The following POC5 variants were observed in gnomAD, a reference collection of about 807,000 sequenced individuals.
POC5 encodes the protein centrosomal protein POC5.
A neutral mutation model predicts 62.9 loss-of-function variants in POC5; 48 were observed. That is an observed-to-expected ratio of 0.76 (90% CI 0.61 to 0.97). The LOEUF (loss-of-function observed/expected upper bound fraction) is 0.97. Ranked by LOEUF, POC5 falls within the 50% of genes least tolerant of loss-of-function variation. The pLI is 0.00. For missense variants in POC5, 696 were observed against 679.5 expected (o/e 1.02, Z -0.27); for synonymous variants, 236 against 228.2 (o/e 1.03, Z -0.31).
At chr5:75,690,201 C>A (rs1776268298) in intron 8 of POC5, among the ~76,000 whole-genome samples, 182 bp downstream of exon 8, 1 of 152,178 alleles carries the variant, frequency 6.6e-6, no homozygotes, top group Non-Finnish European at 1.5e-5. Flanking sequence ...TTCTATACAA[C>A]TCCTTATATC....
At chr5:75,705,415 T>C (rs1448593987) in intron 4 of POC5, 5 of 206,386 alleles carry the variant, frequency 2.4e-5, no homozygotes, top group African/African-American at 2.3e-5. Context: ...AAAACTTGAA[T>C]TGGCCAAACT....
chr5:75,712,520 G>T (rs1305983918), intron 2 of POC5: 2 of 1,405,036 alleles, frequency 1.4e-6, no homozygotes, highest in Non-Finnish European at 2.0e-6. Flanking sequence ...GTATTAATTT[G>T]CATTAAAAGT....
chr5:75,703,787 C>T (rs1463433449), intron 4 of POC5, among the ~76,000 whole-genome samples: 4 of 151,954 alleles, frequency 2.6e-5, no homozygotes, highest in Admixed American at 6.6e-5. Flanking sequence ...ATATATAAAA[C>T]GCTCATCCCC....
chr5:75,701,141 C>T (rs1343153446), intron 5 of POC5, among the ~76,000 whole-genome samples: 3 of 135,096 alleles, frequency 2.2e-5, no homozygotes, highest in South Asian at 2.6e-4. Context: ...ACTAGTTCAA[C>T]CATTGTGGAA....
intron 9 of POC5, among the ~76,000 whole-genome samples, chr5:75,687,188 G>A (rs999039511): frequency 6.6e-6 from 1 of 151,902 alleles, no homozygotes; most frequent in African/African-American, 2.4e-5. Flanking sequence ...CTGCCACCAC[G>A]CCCGGCTAAT....
rs374307702 is a variant in POC5, at chr5:75,685,393, C to T, written c.1221G>A (p.Pro407=). Residue 407 remains proline (P), a synonymous_variant, in exon 10 of 12, where the codon CCG becomes CCA. Transcript: ENST00000428202. ...HSAHLDPSAP[P]MPLPVTSPLL... The stretch of plus-strand genomic sequence containing the variant: ...GTGGTGATGTAACTGGTAAGGGCAT[C>T]GGAGGAGCTGAAGGATCCAAATGAG... 196 of 1,613,852 alleles carry T rather than the reference C, an allele frequency of 1.2e-4. No homozygotes were observed. The highest frequency in any genetic ancestry group is 9.6e-4 in the East Asian group (43 of 44,892).
chr5:75,703,831 G>A (rs567049989), intron 4 of POC5, among the ~76,000 whole-genome samples: 3 of 151,570 alleles, frequency 2.0e-5, no homozygotes, highest in Non-Finnish European at 4.4e-5. Flanking sequence ...GAGAGTCAGG[G>A]CCCTAAAGAG....
At position 75,684,665 on chromosome 5, in the gene POC5, T is replaced by C. The variant is rs149026821; in HGVS notation, c.1407+542A>G. 2.9e-4 allele frequency among the ~76,000 whole-genome samples: 44 copies of C among 152,056 alleles called. No homozygotes were observed. In the East Asian group the frequency reaches 8.4e-3, roughly 29 times the overall value. Reference sequence around the variant, plus strand: ...GGCGTGAGCCACCGCGCCCGGCTCCTACATAATTTTTGAAAAATATAAAAA... The same window carrying C: ...GGCGTGAGCCACCGCGCCCGGCTCCCACATAATTTTTGAAAAATATAAAAA... On this transcript the variant is annotated intron_variant, in intron 10 of 11. Transcript: ENST00000428202.
intron 10 of POC5, among the ~76,000 whole-genome samples, chr5:75,680,896 T>C (rs933769709): frequency 6.6e-6 from 1 of 152,148 alleles, no homozygotes; most frequent in Non-Finnish European, 1.5e-5. Flanking sequence ...TTAATACATA[T>C]TTATGTTTTA....
intron 1 of POC5, among the ~76,000 whole-genome samples, chr5:75,716,260 C>T (rs1443044165): frequency 2.0e-5 from 3 of 151,796 alleles, no homozygotes; most frequent in Non-Finnish European, 2.9e-5. Context: ...AAAATAAGTG[C>T]ATGTATCTGC....
At chr5:75,702,584 T>G in intron 5 of POC5, 21 bp downstream of exon 5, 1 of 1,600,320 alleles carries the variant, frequency 6.2e-7, no homozygotes, top group Non-Finnish European at 8.5e-7. Context: ...CAACTGTAAT[T>G]GAAGAACTGC....
At chr5:75,698,844 G>A (rs1020557361) in intron 5 of POC5, among the ~76,000 whole-genome samples, 7 of 152,068 alleles carry the variant, frequency 4.6e-5, no homozygotes, top group South Asian at 2.1e-4. Context: ...GAAGAAAAGC[G>A]AGAAGAATCA....
At chr5:75,678,736 TGA>T (rs1579997196) in intron 10 of POC5, among the ~76,000 whole-genome samples, 1 of 152,188 alleles carries the variant, frequency 6.6e-6, no homozygotes, top group Non-Finnish European at 1.5e-5. Context: ...AATCCTCTTT[TGA>T]GAGTTACTTC....
chr5:75,674,905 A>G (rs903594609), intron 11 of POC5, among the ~76,000 whole-genome samples: 3 of 152,064 alleles, frequency 2.0e-5, no homozygotes, highest in Non-Finnish European at 4.4e-5. Flanking sequence ...ACAGAGAGAA[A>G]CTCTGTGGTG....
In POC5 at chr5:75,692,402, T is replaced by C; in HGVS notation, c.789A>G (p.Arg263=). The change falls in exon 7 of 12, where the codon AGA becomes AGG. Residue 263 remains arginine (R), a synonymous_variant. Transcript: ENST00000428202. ...FHWRIGHVRA[R]QDVYEGKLAD... ...CTTCTGCTTTGACACTTACATCCTG[T>C]CTGGCTCTGACATGGCCGATTCGCC... is the stretch of plus-strand genomic sequence containing the variant. The C allele has an allele frequency of 2.5e-6, 4 of 1,585,858 alleles. No homozygotes were observed. Among genetic ancestry groups the C allele is most frequent in the Non-Finnish European group, 3.4e-6 (4 of 1,165,174 alleles).
chr5:75,713,645 A>G (rs1777437876), intron 1 of POC5, among the ~76,000 whole-genome samples: 2 of 152,234 alleles, frequency 1.3e-5, no homozygotes, highest in Admixed American at 1.3e-4. Flanking sequence ...AATAACAGAT[A>G]CAAAGTAGAG....
intron 11 of POC5, among the ~76,000 whole-genome samples, chr5:75,675,393 G>A (rs978317627): frequency 9.2e-5 from 14 of 151,986 alleles, no homozygotes; most frequent in Middle Eastern, 3.4e-3. Flanking sequence ...TTTCTATTAG[G>A]GTCTTCCACT....
At chr5:75,696,643 A>T (rs1289077376) in intron 5 of POC5, among the ~76,000 whole-genome samples, 7 of 152,318 alleles carry the variant, frequency 4.6e-5, no homozygotes, top group Admixed American at 4.6e-4. Flanking sequence ...AACTCTAAAA[A>T]GCAGAGCGAC....
chr5:75,702,960 T>C, intron 4 of POC5, 150 bp from the exon 5 acceptor site: 2 of 638,362 alleles, frequency 3.1e-6, no homozygotes. Flanking sequence ...CCTTAATCTA[T>C]TTTTAATTTC....
Sources: gnomAD v4.1 joint callset for allele counts (sites outside exome capture counted in the v4.1 genomes callset) on GRCh38, gnomAD v4.1.1 for gene constraint, MANE v1.5 for transcripts, NCBI Gene and HGNC (gene_info 2026-07-23, HGNC 2026-07-21) for gene names.